CNTNAP4: variants seen among roughly 807,000 people sequenced by gnomAD.
CNTNAP4 encodes contactin-associated protein-like 4.
In CNTNAP4, 98 loss-of-function variants were observed where a neutral mutation model predicts 148.4. That is an observed-to-expected ratio of 0.66 (90% CI 0.56 to 0.78). The LOEUF is 0.78. Ranked by LOEUF, CNTNAP4 falls within the 30% of genes least tolerant of loss-of-function variation. The probability of loss-of-function intolerance (pLI) is 0.00; values close to 1 mark genes in which losing one functional copy is unlikely to be tolerated. For synonymous variants in CNTNAP4, 730 were observed against 565.1 expected (o/e 1.29, Z -4.14); for missense variants, 1,935 against 1,565.6 (o/e 1.24, Z -3.98).
At chr16:76,538,752 T>G (rs1424689065) in intron 19 of CNTNAP4, among the ~76,000 whole-genome samples, 2 of 152,066 alleles carry the variant, frequency 1.3e-5, no homozygotes, top group Non-Finnish European at 2.9e-5. Context: ...ACCAGCATTT[T>G]GAGTAAGAAT....
chr16:76,292,173 A>T (rs762198129), intron 1 of CNTNAP4, among the ~76,000 whole-genome samples: 12 of 152,196 alleles, frequency 7.9e-5, no homozygotes, highest in Non-Finnish European at 1.6e-4. Flanking sequence ...CAATGTCATG[A>T]ACTGTTCAAT....
At chr16:76,284,227 C>T (rs1958796085) in intron 1 of CNTNAP4, among the ~76,000 whole-genome samples, 1 of 151,676 alleles carries the variant, frequency 6.6e-6, no homozygotes, top group South Asian at 2.1e-4. Flanking sequence ...GCATGATGTT[C>T]CTATGTTGTG....
intron 1 of CNTNAP4, among the ~76,000 whole-genome samples, chr16:76,303,522 A>G (rs1289892913): frequency 6.6e-6 from 1 of 152,224 alleles, no homozygotes; most frequent in Non-Finnish European, 1.5e-5. Flanking sequence ...TGGAAGTAGC[A>G]CATACTTAGG....
intron 2 of CNTNAP4, among the ~76,000 whole-genome samples, chr16:76,332,754 C>G (rs1435461710): frequency 6.6e-6 from 1 of 151,858 alleles, no homozygotes; most frequent in Non-Finnish European, 1.5e-5. Flanking sequence ...TTATCATATT[C>G]AGGGATCTTG....
intron 3 of CNTNAP4, among the ~76,000 whole-genome samples, chr16:76,364,233 C>CAAAAAAAAAAAAAAAA (rs58589609): frequency 1.0e-4 from 5 of 48,184 alleles, no homozygotes; most frequent in Non-Finnish European, 1.1e-4. Context: ...GATTCCATCT[C>CAAAAAAAAAAAAAAAA]AAAAAAAAAA....
chr16:76,300,708 A>G (rs1240264381), intron 1 of CNTNAP4, among the ~76,000 whole-genome samples: 1 of 152,304 alleles, frequency 6.6e-6, no homozygotes, highest in African/African-American at 2.4e-5. Context: ...TGGTTGAGAT[A>G]TAGCATGCAA....
At chr16:76,299,241 C>T (rs565714567) in intron 1 of CNTNAP4, among the ~76,000 whole-genome samples, 1 of 152,186 alleles carries the variant, frequency 6.6e-6, no homozygotes, top group South Asian at 2.1e-4. Context: ...ATTTTTGCAA[C>T]CTACTCATCT....
intron 2 of CNTNAP4, among the ~76,000 whole-genome samples, chr16:76,321,265 G>A (rs1169983223): frequency 1.3e-5 from 2 of 152,162 alleles, no homozygotes; most frequent in African/African-American, 4.8e-5. Context: ...CCCATTCTTG[G>A]ATGGATCTCT....
intron 12 of CNTNAP4, among the ~76,000 whole-genome samples, chr16:76,485,226 T>C (rs1415101756): frequency 6.6e-6 from 1 of 152,208 alleles, no homozygotes; most frequent in East Asian, 1.9e-4. Flanking sequence ...CAAGCATTTC[T>C]CCTGCCTCAG....
intron 1 of CNTNAP4, among the ~76,000 whole-genome samples, chr16:76,304,673 A>G (rs1000662412): frequency 2.6e-5 from 4 of 152,204 alleles, no homozygotes; most frequent in Admixed American, 2.0e-4. Flanking sequence ...GTGAGGTCTC[A>G]TCACTAAAGC....
chr16:76,416,920 A>G (rs1021132076), intron 3 of CNTNAP4, among the ~76,000 whole-genome samples: 1 of 151,374 alleles, frequency 6.6e-6, no homozygotes, highest in Non-Finnish European at 1.5e-5. Flanking sequence ...GGATTATTTT[A>G]CCATCTTGGA....
chr16:76,318,099 A>T lies in CNTNAP4; in HGVS notation c.196+1576A>T, dbSNP rs573188040. ...TCCTAGCCTCTCTGATGGCCATTCC[A>T]GGCCCTGTACCTATGGACCCACCAG... On this transcript the variant is annotated intron_variant, in intron 2 of 23. Transcript: ENST00000611870. Among the ~76,000 whole-genome samples, 40 of 152,148 alleles carry T rather than the reference A, an allele frequency of 2.6e-4. 1 individual carries two copies. Among genetic ancestry groups the T allele is most frequent in the Non-Finnish European group, 4.4e-5 (3 of 68,028 alleles).
chr16:76,474,962 C>G (rs2081511363), intron 10 of CNTNAP4, among the ~76,000 whole-genome samples: 1 of 152,070 alleles, frequency 6.6e-6, no homozygotes. Context: ...ACATGTGTAC[C>G]TGTTGAACAC....
At chr16:76,450,673 T>C (rs1054314470) in intron 7 of CNTNAP4, among the ~76,000 whole-genome samples, 7 of 152,192 alleles carry the variant, frequency 4.6e-5, no homozygotes, top group East Asian at 1.9e-4. Flanking sequence ...CGCAAGCAAA[T>C]ACAGGTTGTG....
At chr16:76,364,885 C>T (rs1196551307) in intron 3 of CNTNAP4, among the ~76,000 whole-genome samples, 1 of 152,066 alleles carries the variant, frequency 6.6e-6, no homozygotes. Context: ...TTAATTAGAT[C>T]CCATTTGTCT....
chr16:76,528,803 A>G (rs371907584), intron 17 of CNTNAP4, among the ~76,000 whole-genome samples: 1 of 152,220 alleles, frequency 6.6e-6, no homozygotes, highest in African/African-American at 2.4e-5. Flanking sequence ...GGCAGCAGTT[A>G]TATATGACAA....
At chr16:76,304,878 A>T (rs9923941) in intron 1 of CNTNAP4, among the ~76,000 whole-genome samples, 1 of 152,108 alleles carries the variant, frequency 6.6e-6, no homozygotes, top group East Asian at 1.9e-4. Flanking sequence ...TGTAACCTTT[A>T]AGATAGACTT....
chr16:76,361,312 A>G (rs74749465), intron 3 of CNTNAP4, among the ~76,000 whole-genome samples: 8,751 of 152,132 alleles, frequency 0.058, 349 homozygotes, highest in South Asian at 0.089. Context: ...CCCTTTTCCT[A>G]TCCCCTGGCA....
chr16:76,436,144 CAG>C (rs1454417513), intron 4 of CNTNAP4, among the ~76,000 whole-genome samples: 1 of 152,086 alleles, frequency 6.6e-6, no homozygotes, highest in African/African-American at 2.4e-5. Flanking sequence ...GCAACTGCCT[CAG>C]GGGAGGCCAT....
Sources: allele counts gnomAD v4.1 joint callset (sites outside exome capture counted in the v4.1 genomes callset), GRCh38; gene constraint gnomAD v4.1.1; transcripts MANE v1.5; gene names NCBI Gene and HGNC (gene_info 2026-07-23, HGNC 2026-07-21).